The following CLINT1 variants were observed in gnomAD, a reference collection of about 807,000 sequenced individuals.
The protein encoded by CLINT1 is clathrin interacting protein localized in the trans-Golgi region.
Under a neutral mutation model 70.4 loss-of-function variants are expected in CLINT1, and 15 were observed. That is an observed-to-expected ratio of 0.21 (90% CI 0.14 to 0.33). The LOEUF (loss-of-function observed/expected upper bound fraction) is 0.33, where lower values mean the gene tolerates loss of function less well. Ranked by LOEUF, CLINT1 falls within the 10% of genes least tolerant of loss-of-function variation. The pLI is 1.00. For missense variants in CLINT1, 615 were observed against 778.1 expected (o/e 0.79, Z 2.49); for synonymous variants, 227 against 254.7 (o/e 0.89, Z 1.04).
At chr5:157,827,989 C>T (rs967993748) in intron 1 of CLINT1, among the ~76,000 whole-genome samples, 21 of 152,198 alleles carry the variant, frequency 1.4e-4, no homozygotes, top group African/African-American at 5.1e-4. Context: ...TCCCTGGACA[C>T]ATCAACCACT....
chr5:157,801,333 CCT>C (rs1762213176), intron 8 of CLINT1, among the ~76,000 whole-genome samples: 1 of 146,804 alleles, frequency 6.8e-6, no homozygotes, highest in African/African-American at 2.5e-5. Flanking sequence ...ATGGAGAAAC[CCT>C]GTCTCTACTA....
intron 11 of CLINT1, 27 bp from the exon 12 acceptor site, chr5:157,788,019 C>G: frequency 6.5e-7 from 1 of 1,541,470 alleles, no homozygotes; most frequent in Admixed American, 1.9e-5. Context: ...GACAGAAGAA[C>G]TTTACCACAA....
intron 5 of CLINT1, among the ~76,000 whole-genome samples, chr5:157,812,079 G>C (rs936507827): frequency 6.6e-6 from 1 of 152,052 alleles, no homozygotes; most frequent in Admixed American, 6.6e-5. Flanking sequence ...ATAAAAAAGG[G>C]AATTTTTCTG....
At position 157,814,095 on chromosome 5, in the gene CLINT1, A is replaced by AT. The variant is rs549057350; in HGVS notation, c.352+89dup. ...CACAACCAGCAACAGTCACATTCTA[A>AT]TTAGAGCAGAGAAGCTTCTAAGCTG... On this transcript the variant is annotated intron_variant, in intron 4 of 11. Coordinates refer to ENST00000411809, the MANE Select transcript of CLINT1 (RefSeq NM_014666.4). 4.3e-4 allele frequency: 349 copies of AT among 805,214 alleles called. 6 individuals carry two copies. The highest frequency in any genetic ancestry group is 2.1e-3 in the South Asian group (141 of 65,748). 49.9% of individuals were successfully genotyped at this position (805,214 alleles called of 1,614,324 possible).
At chr5:157,857,254 GTCT>G (rs1239340740) in intron 1 of CLINT1, among the ~76,000 whole-genome samples, 2 of 148,240 alleles carry the variant, frequency 1.3e-5, no homozygotes, top group African/African-American at 2.5e-5. Flanking sequence ...GTAGCTTTTA[GTCT>G]TCTTTTGGCC....
intron 1 of CLINT1, among the ~76,000 whole-genome samples, chr5:157,849,138 CT>C (rs1428260473): frequency 4.6e-5 from 7 of 152,184 alleles, no homozygotes; most frequent in Non-Finnish European, 7.3e-5. Context: ...AGGTAAAATG[CT>C]ATCGAGCAGC....
chr5:157,844,408 G>A (rs1359498787), intron 1 of CLINT1, among the ~76,000 whole-genome samples: 1 of 152,048 alleles, frequency 6.6e-6, no homozygotes, highest in African/African-American at 2.4e-5. Context: ...ATATGCATAT[G>A]CCTTACAGAA....
chr5:157,841,459 G>A (rs1473505186), intron 1 of CLINT1, among the ~76,000 whole-genome samples: 3 of 151,854 alleles, frequency 2.0e-5, no homozygotes, highest in Non-Finnish European at 2.9e-5. Context: ...CCAGCCACTC[G>A]GGAGGCTGAG....
intron 10 of CLINT1, 71 bp downstream of exon 10, chr5:157,791,632 T>A: frequency 7.3e-7 from 1 of 1,371,468 alleles, no homozygotes; most frequent in South Asian, 1.4e-5. Flanking sequence ...TTTATACTAA[T>A]CTATCATTCA....
chr5:157,818,353 T>A (rs1762781930), intron 1 of CLINT1, among the ~76,000 whole-genome samples: 1 of 151,688 alleles, frequency 6.6e-6, no homozygotes, highest in Admixed American at 6.6e-5. Flanking sequence ...CAGCAAATGG[T>A]GTTTATTTAG....
chr5:157,840,250 T>TAA lies in CLINT1; in HGVS notation c.41+18678_41+18679dup, dbSNP rs201168876. Among the ~76,000 whole-genome samples the TAA allele has an allele frequency of 5.9e-3, 761 of 129,952 alleles. 12 individuals are homozygous for TAA. Among genetic ancestry groups the TAA allele is most frequent in the African/African-American group, 0.02 (713 of 34,822 alleles). 85.3% of individuals were successfully genotyped at this position (129,952 alleles called of 152,430 possible). A position where few individuals can be genotyped will look rare whatever the true frequency, so the allele number is the denominator to read the frequency against. On this transcript the variant is annotated intron_variant, in intron 1 of 11. Transcript: ENST00000411809. ...AAGAAGAACTGAGGAATAGTCTATTTAAAAAAAAAAAACAAAAAACTGACT... is the reference window on the plus strand; with the variant it reads ...AAGAAGAACTGAGGAATAGTCTATTTAAAAAAAAAAAAAACAAAAAACTGACT...
chr5:157,794,776 T>C, intron 9 of CLINT1, 122 bp downstream of exon 9: 1 of 712,848 alleles, frequency 1.4e-6, no homozygotes, highest in Non-Finnish European at 2.4e-6. Context: ...ATAAATTCTT[T>C]AGGAATTATG....
chr5:157,789,513 T>C lies in CLINT1; in HGVS notation c.1381A>G (p.Asn461Asp). The C allele has an allele frequency of 6.2e-7, 1 of 1,613,976 alleles. No homozygotes were observed. The highest frequency in any genetic ancestry group is 8.5e-7 in the Non-Finnish European group (1 of 1,179,868). The change falls in exon 11 of 12, where the codon AAT becomes GAT. Residue 461 changes from asparagine (N) to aspartate (D), a missense_variant and splice_region_variant. Physicochemically the swap from Asn to Asp is conservative, Grantham distance 23 (BLOSUM62 1). Transcript: ENST00000411809. Reference sequence around the variant, plus strand: ...ACTGATTTCTGGACCATATCTGTATTCTGATTATAGAGAGGATTAGGCTTC... The same window carrying C: ...ACTGATTTCTGGACCATATCTGTATCCTGATTATAGAGAGGATTAGGCTTC... ...GLGLPMSRSQ[N>D]TDMVQKSVSK...
chr5:157,791,885 C>A lies in CLINT1; in HGVS notation c.1198G>T (p.Ala400Ser), dbSNP rs1396690010. The A allele has an allele frequency of 6.2e-7, 1 of 1,613,998 alleles. No homozygotes were observed. Among genetic ancestry groups the A allele is most frequent in the East Asian group, 2.2e-5 (1 of 44,866 alleles). Residue 400 changes from alanine (A) to serine (S), a missense_variant, in exon 10 of 12, where the codon GCG (alanine) becomes TCG (serine). Physicochemically the swap from Ala to Ser is moderately conservative, Grantham distance 99. Coordinates refer to ENST00000411809, the MANE Select transcript of CLINT1 (RefSeq NM_014666.4). ...GEFFGSASQP[A>S]VELVSGSQSA... ...TGTGAGCCACTAACAAGTTCTACCG[C>A]TGGCTGTGAGGCACTGCCAAAGAAC...
chr5:157,805,541 T>A (rs1180825616), intron 7 of CLINT1, among the ~76,000 whole-genome samples: 3 of 152,206 alleles, frequency 2.0e-5, no homozygotes, highest in Admixed American at 1.3e-4. Context: ...ATACTTCCAA[T>A]GTTTTCTTTA....
chr5:157,840,250 T>TA (rs201168876), intron 1 of CLINT1, among the ~76,000 whole-genome samples: 17,716 of 129,748 alleles, frequency 0.14, 1,214 homozygotes, highest in Middle Eastern at 0.15. Flanking sequence ...ATAGTCTATT[T>TA]AAAAAAAAAA....
intron 1 of CLINT1, among the ~76,000 whole-genome samples, chr5:157,845,175 T>C (rs139495162): frequency 9.2e-5 from 14 of 152,014 alleles, no homozygotes; most frequent in African/African-American, 3.4e-4. Flanking sequence ...ATGGTGAAAC[T>C]CTGTCTCTAT....
intron 1 of CLINT1, among the ~76,000 whole-genome samples, chr5:157,818,677 T>C (rs1182694136): frequency 6.6e-6 from 1 of 151,870 alleles, no homozygotes; most frequent in Non-Finnish European, 1.5e-5. Context: ...ATATATAAAA[T>C]AACCATCTAT....
At chr5:157,817,711 T>A (rs925779101) in intron 1 of CLINT1, among the ~76,000 whole-genome samples, 164 bp from the exon 2 acceptor site, 1 of 152,214 alleles carries the variant, frequency 6.6e-6, no homozygotes, top group African/African-American at 2.4e-5. Context: ...GGACACTATG[T>A]AACACACTTA....
Sources: allele counts gnomAD v4.1 joint callset (sites outside exome capture counted in the v4.1 genomes callset), GRCh38; gene constraint gnomAD v4.1.1; transcripts MANE v1.5; gene names NCBI Gene and HGNC (gene_info 2026-07-23, HGNC 2026-07-21).